KCNS3: variants seen among roughly 807,000 people sequenced by gnomAD.
The protein encoded by KCNS3 is delayed-rectifier potassium channel regulatory subunit KCNS3.
In KCNS3, 13 loss-of-function variants were observed where a neutral mutation model predicts 31.0. The ratio of observed to expected loss-of-function variants is 0.42; its 90% CI spans 0.27 to 0.67. The LOEUF (loss-of-function observed/expected upper bound fraction) is 0.67, where lower values mean the gene tolerates loss of function less well. KCNS3 is among the 30% of genes least tolerant of loss of function. The probability of loss-of-function intolerance (pLI) is 0.25; values close to 1 mark genes in which losing one functional copy is unlikely to be tolerated. For synonymous variants in KCNS3, 238 were observed against 241.5 expected (o/e 0.99, Z 0.13); for missense variants, 545 against 622.4 (o/e 0.88, Z 1.32).
rs140070928 is a variant in KCNS3 at position 17,896,722 on chromosome 2, C to T, written c.-252+17916C>T. Among the ~76,000 whole-genome samples, 6 of 152,128 alleles carry T rather than the reference C, an allele frequency of 3.9e-5. No homozygotes were observed. The East Asian group carries it at 9.7e-4, about 25-fold the overall frequency. ...CCTTCTGCCAGCTTCTTCTCCCTGCCCCAGTATAGCCACTGGGTGGACAGG... is the reference window on the plus strand; with the variant it reads ...CCTTCTGCCAGCTTCTTCTCCCTGCTCCAGTATAGCCACTGGGTGGACAGG... On this transcript the variant is annotated intron_variant, in intron 1 of 2. Coordinates refer to ENST00000304101, the MANE Select transcript of KCNS3 (RefSeq NM_002252.5).
chr2:17,883,289 A>G (rs1674683678), intron 1 of KCNS3, among the ~76,000 whole-genome samples: 1 of 150,108 alleles, frequency 6.7e-6, no homozygotes, highest in African/African-American at 2.5e-5. Context: ...CTCATTATAT[A>G]TTCAAATCCG....
At chr2:17,888,629 G>A (rs34206500) in intron 1 of KCNS3, among the ~76,000 whole-genome samples, 3,141 of 91,268 alleles carry the variant, frequency 0.034, 85 homozygotes, top group Non-Finnish European at 0.045. Flanking sequence ...TAAAAAAAAT[G>A]TATATATATA....
At chr2:17,916,192 T>A (rs1178700762) in intron 1 of KCNS3, among the ~76,000 whole-genome samples, 1 of 152,170 alleles carries the variant, frequency 6.6e-6, no homozygotes, top group Admixed American at 6.5e-5. Flanking sequence ...TCCCTTAAAG[T>A]GTGCTACAGT....
At chr2:17,901,032 A>G (rs982822596) in intron 1 of KCNS3, among the ~76,000 whole-genome samples, 3 of 152,194 alleles carry the variant, frequency 2.0e-5, no homozygotes, top group African/African-American at 7.2e-5. Context: ...AAGAACCTAA[A>G]TGACTGACCC....
intron 1 of KCNS3, among the ~76,000 whole-genome samples, chr2:17,909,814 A>T (rs1662428267): frequency 6.6e-6 from 1 of 152,178 alleles, no homozygotes; most frequent in South Asian, 2.1e-4. Flanking sequence ...AGGATGACAG[A>T]TGGGAATGAT....
Position 17,930,935 on chromosome 2 carries a change from T to G in KCNS3, c.-59-15T>G. 2 of 1,532,920 alleles carry G rather than the reference T, an allele frequency of 1.3e-6. No individual in the cohort carries two copies. The highest frequency in any genetic ancestry group is 1.8e-6 in the Non-Finnish European group (2 of 1,131,564). The allele number at this position is 1,532,920 out of a possible 1,614,324, so 95.0% of individuals were successfully genotyped here. On this transcript the variant is annotated splice_polypyrimidine_tract_variant and intron_variant, in intron 2 of 2. Coordinates refer to ENST00000304101, the MANE Select transcript of KCNS3 (RefSeq NM_002252.5). ...GGCAGGACAGAGTGCTAATATCATC[T>G]TGTGCTCTTTCCAGGTGCAGCCTGA...
intron 1 of KCNS3, among the ~76,000 whole-genome samples, chr2:17,892,925 C>T (rs772701051): frequency 5.3e-5 from 8 of 152,266 alleles, no homozygotes; most frequent in Non-Finnish European, 1.0e-4. Flanking sequence ...TGCCAGGAGG[C>T]GGCACTTTCA....
intron 1 of KCNS3, among the ~76,000 whole-genome samples, chr2:17,911,261 G>C (rs141298850): frequency 8.9e-4 from 136 of 152,102 alleles, no homozygotes; most frequent in African/African-American, 3.3e-3. Context: ...TGTAAGCTTT[G>C]AGGGCAAGAT....
chr2:17,918,503 C>G (rs935952147), intron 2 of KCNS3, among the ~76,000 whole-genome samples: 33 of 152,162 alleles, frequency 2.2e-4, no homozygotes, highest in African/African-American at 6.5e-4. Context: ...ACCACCATCC[C>G]CAACCATCTC....
In KCNS3 at chr2:17,885,516, G is replaced by A. The variant is rs1488968525; in HGVS notation, c.-252+6710G>A. Among the ~76,000 whole-genome samples the A allele has an allele frequency of 2.0e-5, 3 of 152,126 alleles. No individual in the cohort carries two copies. The East Asian group carries it at 5.8e-4, about 29-fold the overall frequency. On this transcript the variant is annotated intron_variant, in intron 1 of 2. Coordinates refer to ENST00000304101, the MANE Select transcript of KCNS3 (RefSeq NM_002252.5). The stretch of plus-strand genomic sequence containing the variant: ...TGGCAAGTCCAAAATTTGCCGGATG[G>A]GCCAGCAGGCTGGAAACCCAGGAGA...
Position 17,932,102 on chromosome 2 carries a change from C to T in KCNS3, c.1094C>T (p.Thr365Ile), listed in dbSNP as rs1394778047. The change falls in exon 3 of 3, where the codon ACC (threonine) becomes ATC (isoleucine). Residue 365 changes from threonine to isoleucine, a missense_variant. Coordinates refer to ENST00000304101, the MANE Select transcript of KCNS3 (RefSeq NM_002252.5). ...TSIPICWWWATISMTTVGYGD... is the reference protein window; with the variant it reads ...TSIPICWWWAIISMTTVGYGD... Reference sequence around the variant, plus strand: ...ATCCCCATCTGCTGGTGGTGGGCCACCATCAGCATGACAACTGTGGGCTAT... The same window carrying T: ...ATCCCCATCTGCTGGTGGTGGGCCATCATCAGCATGACAACTGTGGGCTAT... 5 of 1,613,984 alleles carry T rather than the reference C, an allele frequency of 3.1e-6. No homozygotes were observed. Among genetic ancestry groups the T allele is most frequent in the Non-Finnish European group, 4.2e-6 (5 of 1,180,018 alleles).
At chr2:17,893,696 T>C (rs1260016048) in intron 1 of KCNS3, among the ~76,000 whole-genome samples, 1 of 152,138 alleles carries the variant, frequency 6.6e-6, no homozygotes, top group Non-Finnish European at 1.5e-5. Flanking sequence ...GCTTCTCCAC[T>C]GGGGGTGTGT....
intron 1 of KCNS3, among the ~76,000 whole-genome samples, chr2:17,879,175 G>GAATCGATGAGCCGA (rs1674580608): frequency 6.6e-6 from 1 of 152,030 alleles, no homozygotes; most frequent in African/African-American, 2.4e-5. Flanking sequence ...CTGGAGGCGG[G>GAATCGATGAGCCGA]AGAATCGATG....
intron 2 of KCNS3, among the ~76,000 whole-genome samples, chr2:17,928,751 C>A (rs1572504826): frequency 6.6e-6 from 1 of 151,594 alleles, no homozygotes; most frequent in Non-Finnish European, 1.5e-5. Flanking sequence ...AGATTCCTTT[C>A]TGACCTTTCT....
chr2:17,885,436 C>T (rs1661622758), intron 1 of KCNS3, among the ~76,000 whole-genome samples: 1 of 152,192 alleles, frequency 6.6e-6, no homozygotes, highest in Non-Finnish European at 1.5e-5. Context: ...ATAGGCTGTG[C>T]ATATGTGTAG....
rs116042532 is a variant in KCNS3 at position 17,931,573 on chromosome 2, A to T, written c.565A>T (p.Ile189Phe). The change falls in exon 3 of 3, where the codon ATC (isoleucine) becomes TTC (phenylalanine). Residue 189 changes from isoleucine (I) to phenylalanine (F), a missense_variant. Physicochemically the swap from Ile to Phe is conservative, Grantham distance 21. Coordinates refer to ENST00000304101, the MANE Select transcript of KCNS3 (RefSeq NM_002252.5). The surrounding 1 kb of genome is among the most constrained non-coding windows in gnomAD (Gnocchi z 5.4). ...CTGCCTGTCCGCTAAGCTTATCGCTATCTCCTCCTTGAGCGTGGTGCTGGC... is the reference window on the plus strand; with the variant it reads ...CTGCCTGTCCGCTAAGCTTATCGCTTTCTCCTCCTTGAGCGTGGTGCTGGC... ...AYCLSAKLIA[I>F]SSLSVVLASI... 1.2e-5 allele frequency: 19 copies of T among 1,614,030 alleles called. No individual in the cohort carries two copies. Among genetic ancestry groups the T allele is most frequent in the Admixed American group, 5.0e-5 (3 of 60,000 alleles).
At chr2:17,882,957 G>A (rs528483235) in intron 1 of KCNS3, among the ~76,000 whole-genome samples, 9 of 152,076 alleles carry the variant, frequency 5.9e-5, no homozygotes, top group Non-Finnish European at 1.0e-4. Context: ...CTAGGTTGTG[G>A]TATTTTTCTT....
chr2:17,890,087 A>G (rs1348107562), intron 1 of KCNS3, among the ~76,000 whole-genome samples: 1 of 152,080 alleles, frequency 6.6e-6, no homozygotes, highest in Non-Finnish European at 1.5e-5. Context: ...AAAAATTACC[A>G]TTTCAATCTC....
At chr2:17,884,264 A>T (rs1431592631) in intron 1 of KCNS3, among the ~76,000 whole-genome samples, 2,003 of 46,442 alleles carry the variant, frequency 0.043, 23 homozygotes, top group East Asian at 0.082. Flanking sequence ...ATTAAAAAAA[A>T]AAAAATATAT....
Sources: gnomAD v4.1 joint callset for allele counts (sites outside exome capture counted in the v4.1 genomes callset) on GRCh38, gnomAD v4.1.1 for gene constraint, Gnocchi (gnomAD v3.1) non-coding constraint, MANE v1.5 for transcripts, NCBI Gene and HGNC (gene_info 2026-07-23, HGNC 2026-07-21) for gene names.